Variants in SCAPER observed in about 807,000 individuals in gnomAD.
SCAPER encodes the protein S-phase cyclin A associated protein in the ER.
A neutral mutation model predicts 182.2 loss-of-function variants in SCAPER; 98 were observed. The observed-to-expected ratio is 0.54, with a 90% confidence interval of 0.46 to 0.64. The LOEUF is 0.64. Ranked by LOEUF, SCAPER falls within the 30% of genes least tolerant of loss-of-function variation. The pLI, the probability that SCAPER is intolerant of heterozygous loss-of-function variation, is 0.00. For synonymous variants in SCAPER, 605 were observed against 564.6 expected, an observed-to-expected ratio of 1.07 and a Z score of -1.01; for missense variants, 1,432 against 1,690.0, an observed-to-expected ratio of 0.85 and a Z score of 2.68.
chr15:76,350,258 G>A (rs1379335493), intron 31 of SCAPER: 1 of 152,026 alleles, frequency 6.6e-6, no homozygotes, highest in Non-Finnish European at 1.5e-5. Flanking sequence ...ACTTTTCTGG[G>A]TGCCTGAGTC....
intron 17 of SCAPER, among the ~76,000 whole-genome samples, chr15:76,722,694 G>C (rs1206952003): frequency 1.3e-5 from 2 of 152,138 alleles, no homozygotes; most frequent in African/African-American, 4.8e-5. Flanking sequence ...ATTTCTTCTA[G>C]ATTTTCTAGT....
At chr15:76,613,361 G>T (rs1348274307) in intron 22 of SCAPER, among the ~76,000 whole-genome samples, 1 of 152,104 alleles carries the variant, frequency 6.6e-6, no homozygotes. Context: ...CACAGGCATG[G>T]GCAAAGATTT....
chr15:76,689,501 A>G lies in SCAPER; in HGVS notation c.2508+12257T>C, dbSNP rs2058229017. ...TAAGACAGTAATTTTCTAAAAAAAT[A>G]TCAATTATTGACTCAAGAACACCTG... On this transcript the variant is annotated intron_variant, in intron 20 of 31. Transcript: ENST00000563290. 2.0e-5 allele frequency among the ~76,000 whole-genome samples: 3 copies of G among 152,112 alleles called. No individual in the cohort carries two copies. The South Asian group carries it at 6.2e-4, about 31-fold the overall frequency.
intron 21 of SCAPER, among the ~76,000 whole-genome samples, chr15:76,638,947 A>C (rs2053872393): frequency 6.6e-6 from 1 of 152,212 alleles, no homozygotes; most frequent in Non-Finnish European, 1.5e-5. Context: ...AGACACTAAC[A>C]GGTTAAGAAG....
At chr15:76,648,826 C>T (rs891854115) in intron 21 of SCAPER, among the ~76,000 whole-genome samples, 1 of 152,226 alleles carries the variant, frequency 6.6e-6, no homozygotes, top group African/African-American at 2.4e-5. Flanking sequence ...GGTGGCCAGG[C>T]ATGTTCAACA....
intron 27 of SCAPER, among the ~76,000 whole-genome samples, chr15:76,396,704 T>G (rs897999612): frequency 6.6e-6 from 1 of 152,186 alleles, no homozygotes; most frequent in South Asian, 2.1e-4. Flanking sequence ...TCGGTTCTAA[T>G]AGCTTTTTGA....
intron 24 of SCAPER, among the ~76,000 whole-genome samples, chr15:76,480,759 C>T (rs901042567): frequency 4.0e-5 from 6 of 151,808 alleles, no homozygotes; most frequent in Admixed American, 6.6e-5. Flanking sequence ...GAGACGGAGT[C>T]TCCCTCTGTC....
At chr15:76,397,814 T>C (rs934630547) in intron 27 of SCAPER, among the ~76,000 whole-genome samples, 3 of 152,206 alleles carry the variant, frequency 2.0e-5, no homozygotes, top group African/African-American at 4.8e-5. Flanking sequence ...CATCACTTGC[T>C]AATGGTCTGT....
chr15:76,511,843 A>ATATGTGTGTG (rs151255382), intron 23 of SCAPER, among the ~76,000 whole-genome samples: 35 of 123,290 alleles, frequency 2.8e-4, no homozygotes, highest in African/African-American at 6.4e-4. Flanking sequence ...ATATATATAT[A>ATATGTGTGTG]TGTGTGTGTG....
intron 23 of SCAPER, among the ~76,000 whole-genome samples, chr15:76,571,817 T>G (rs1301964925): frequency 6.6e-6 from 1 of 152,190 alleles, no homozygotes; most frequent in African/African-American, 2.4e-5. Flanking sequence ...CAAAAAGGAA[T>G]GGCTATTTAC....
At chr15:76,702,759 T>C (rs1192477051) in intron 19 of SCAPER, 91 bp downstream of exon 19, 2 of 1,453,742 alleles carry the variant, frequency 1.4e-6, no homozygotes, top group East Asian at 2.5e-5. Flanking sequence ...TGCCTTAGCG[T>C]GAGTTTTAAA....
chr15:76,819,237 A>G (rs1449163191), intron 5 of SCAPER, among the ~76,000 whole-genome samples: 2 of 152,212 alleles, frequency 1.3e-5, no homozygotes, highest in Non-Finnish European at 2.9e-5. Flanking sequence ...TGAAGACAGT[A>G]GTGGTTCTCC....
intron 24 of SCAPER, among the ~76,000 whole-genome samples, chr15:76,476,133 G>A (rs2050606660): frequency 6.6e-6 from 1 of 152,180 alleles, no homozygotes; most frequent in South Asian, 2.1e-4. Flanking sequence ...GGAAACATGA[G>A]GCTTTCCTGC....
intron 20 of SCAPER, among the ~76,000 whole-genome samples, chr15:76,700,023 G>C (rs1420229590): frequency 6.6e-6 from 1 of 152,164 alleles, no homozygotes; most frequent in Admixed American, 6.5e-5. Flanking sequence ...CGATGGTCAG[G>C]CAGGGTCTCC....
At position 76,601,208 on chromosome 15, in the gene SCAPER, T is replaced by C. The variant is rs1471870955; in HGVS notation, c.2711+20556A>G. ...CAAACATTTTTTCTCCATCTAATGA[T>C]ACGTATGTGAGTTTTCTTATTTAGC... On this transcript the variant is annotated intron_variant, in intron 22 of 31. Coordinates refer to ENST00000563290, the MANE Select transcript of SCAPER (RefSeq NM_020843.4). Among the ~76,000 whole-genome samples, 71 of 122,188 alleles carry C rather than the reference T, an allele frequency of 5.8e-4. 9 individuals are homozygous for C. Among genetic ancestry groups the C allele is most frequent in the African/African-American group, 1.5e-3 (59 of 39,970 alleles). 80.2% of individuals were successfully genotyped at this position (122,188 alleles called of 152,430 possible).
intron 29 of SCAPER, among the ~76,000 whole-genome samples, chr15:76,357,149 AT>A (rs1348003080): frequency 4.5e-5 from 1 of 22,158 alleles, no homozygotes; most frequent in Non-Finnish European, 1.5e-4. Flanking sequence ...TTTTATTGAC[AT>A]CACACACACA....
intron 6 of SCAPER, among the ~76,000 whole-genome samples, chr15:76,800,850 A>G (rs1445689295): frequency 1.3e-5 from 2 of 152,210 alleles, no homozygotes; most frequent in African/African-American, 4.8e-5. Flanking sequence ...ATCACTCACG[A>G]GAGTAGGATT....
In SCAPER at chr15:76,596,468, G is replaced by A. The variant is rs758464286; in HGVS notation, c.2712-22184C>T. Among the ~76,000 whole-genome samples the A allele has an allele frequency of 4.1e-5, 5 of 120,576 alleles. 2 individuals carry two copies. The highest frequency in any genetic ancestry group is 1.0e-4 in the Non-Finnish European group (5 of 49,738). 79.1% of individuals were successfully genotyped at this position (120,576 alleles called of 152,430 possible). On this transcript the variant is annotated intron_variant, in intron 22 of 31. Coordinates refer to ENST00000563290, the MANE Select transcript of SCAPER (RefSeq NM_020843.4). ...ACTCCTCCCTAACTCATTTTATGAG[G>A]CCAGCATCATCCTGATACCAAAACT...
intron 5 of SCAPER, among the ~76,000 whole-genome samples, chr15:76,817,952 T>A (rs1286441564): frequency 6.6e-6 from 1 of 152,216 alleles, no homozygotes; most frequent in African/African-American, 2.4e-5. Context: ...CAAGTTAAGC[T>A]GATTCTAAAG....
Sources: allele counts gnomAD v4.1 joint callset (sites outside exome capture counted in the v4.1 genomes callset), GRCh38; gene constraint gnomAD v4.1.1; transcripts MANE v1.5; gene names NCBI Gene and HGNC (gene_info 2026-07-23, HGNC 2026-07-21).